The following MLIP variants were observed in gnomAD, a reference collection of about 807,000 sequenced individuals.
MLIP encodes the protein muscular LMNA-interacting protein.
Under a neutral mutation model 84.8 loss-of-function variants are expected in MLIP, and 79 were observed. That is an observed-to-expected ratio of 0.93 (90% confidence interval 0.78 to 1.12). MLIP has a LOEUF of 1.12. MLIP is among the 50% of genes most tolerant of loss of function. The probability of loss-of-function intolerance (pLI) is 0.00; values close to 1 mark genes in which losing one functional copy is unlikely to be tolerated. For synonymous variants in MLIP, 504 were observed against 463.0 expected (o/e 1.09, Z -1.14); for missense variants, 1,257 against 1,160.6 (o/e 1.08, Z -1.21).
At chr6:54,248,087 A>G (rs7740331) in intron 12 of MLIP, among the ~76,000 whole-genome samples, 49,806 of 151,904 alleles carry the variant, frequency 0.33, 11,647 homozygotes, top group African/African-American at 0.67. Context: ...GAACTCGGGA[A>G]TATTAATACA....
intron 11 of MLIP, among the ~76,000 whole-genome samples, chr6:54,208,214 A>C (rs1374186118): frequency 6.6e-6 from 1 of 152,246 alleles, no homozygotes; most frequent in African/African-American, 2.4e-5. Context: ...ATTTCAAAAG[A>C]GAGAGAGGAT....
At chr6:54,263,684 A>T (rs982324051) in intron 13 of MLIP, among the ~76,000 whole-genome samples, 2 of 151,974 alleles carry the variant, frequency 1.3e-5, no homozygotes, top group African/African-American at 4.8e-5. Flanking sequence ...GTTTCAGAAG[A>T]ATATATTACC....
chr6:54,072,682 T>C (rs1474311650), intron 1 of MLIP, among the ~76,000 whole-genome samples: 16 of 152,252 alleles, frequency 1.1e-4, no homozygotes, highest in Admixed American at 5.9e-4. Context: ...CTTACTGTGA[T>C]TTACAATGAG....
Position 54,198,056 on chromosome 6 carries a change from T to C in MLIP, c.2590-4049T>C, listed in dbSNP as rs74888633. ...GAGACAGAAGACAAGGCCAAATGGG[T>C]GTCTCTGGAATGATAGACTTAGAAA... On this transcript the variant is annotated intron_variant, in intron 10 of 13. Transcript: ENST00000502396. 8.1e-3 allele frequency among the ~76,000 whole-genome samples: 1,239 copies of C among 152,186 alleles called. 17 individuals carry two copies. The highest frequency in any genetic ancestry group is 0.028 in the African/African-American group (1,157 of 41,530).
intron 1 of MLIP, among the ~76,000 whole-genome samples, chr6:54,078,945 C>A (rs1161569886): frequency 1.3e-5 from 2 of 152,072 alleles, no homozygotes; most frequent in Non-Finnish European, 1.5e-5. Flanking sequence ...CCGGCCTTGG[C>A]CTCCCAAAGT....
At chr6:54,138,574 T>C (rs1016540033) in intron 4 of MLIP, among the ~76,000 whole-genome samples, 9 of 152,180 alleles carry the variant, frequency 5.9e-5, no homozygotes, top group Non-Finnish European at 1.3e-4. Flanking sequence ...AGACATAATA[T>C]GAGTTATATC....
intron 12 of MLIP, among the ~76,000 whole-genome samples, chr6:54,254,436 T>TAAA (rs1287097071): frequency 1.3e-5 from 2 of 152,068 alleles, no homozygotes; most frequent in Admixed American, 6.6e-5. Context: ...GTACTTGTTT[T>TAAA]AATGCTTAGT....
chr6:54,113,517 T>C (rs962297307), intron 1 of MLIP, among the ~76,000 whole-genome samples: 10 of 152,302 alleles, frequency 6.6e-5, no homozygotes, highest in African/African-American at 2.4e-4. Context: ...TGATAAGGTA[T>C]TTTGACATGG....
At chr6:54,075,951 C>T (rs896975184) in intron 1 of MLIP, among the ~76,000 whole-genome samples, 1 of 152,168 alleles carries the variant, frequency 6.6e-6, no homozygotes, top group African/African-American at 2.4e-5. Context: ...TATGTTTCAT[C>T]ATTACGGAAC....
At position 54,200,446 on chromosome 6, in the gene MLIP, AAAGTGCAGG is replaced by A. The variant is rs375287541; in HGVS notation, c.2590-1647_2590-1639del. 5.5e-3 allele frequency among the ~76,000 whole-genome samples: 831 copies of A among 152,184 alleles called. 9 individuals are homozygous for A. Among genetic ancestry groups the A allele is most frequent in the African/African-American group, 0.018 (734 of 41,506 alleles). On this transcript the variant is annotated intron_variant, in intron 10 of 13. Coordinates refer to ENST00000502396, the MANE Select transcript of MLIP (RefSeq NM_001281747.2). ...TCACAAGGGAGTAGAAGAGAAGGAG[AAAGTGCAGG>A]AAGTGCAGGAATAGGAGAAGAAGAA...
intron 9 of MLIP, among the ~76,000 whole-genome samples, chr6:54,179,500 T>C (rs376846241): frequency 1.3e-5 from 2 of 152,170 alleles, no homozygotes; most frequent in African/African-American, 2.4e-5. Context: ...CCTGTCTTTC[T>C]TTTCGTGAAT....
chr6:54,081,974 T>C (rs1582095973), intron 1 of MLIP, among the ~76,000 whole-genome samples: 1 of 152,074 alleles, frequency 6.6e-6, no homozygotes, highest in Non-Finnish European at 1.5e-5. Context: ...TCTCCCTGTC[T>C]CATTCTCCCC....
chr6:54,126,363 G>A (rs536999929), intron 3 of MLIP, among the ~76,000 whole-genome samples: 3 of 151,978 alleles, frequency 2.0e-5, no homozygotes, highest in African/African-American at 4.8e-5. Context: ...AGTGAATCTA[G>A]AGACTGAATA....
intron 1 of MLIP, among the ~76,000 whole-genome samples, chr6:54,044,558 A>G (rs1162875879): frequency 6.6e-6 from 1 of 152,182 alleles, no homozygotes; most frequent in Admixed American, 6.5e-5. Context: ...TTGTTCAAAC[A>G]CATAGGTAGG....
At chr6:54,216,578 T>A (rs1192353078) in intron 11 of MLIP, 1 of 978,296 alleles carries the variant, frequency 1.0e-6, no homozygotes, top group Non-Finnish European at 1.2e-6. Flanking sequence ...AAATTCTATC[T>A]TAAAAATTAT....
chr6:54,248,444 A>C (rs948727390), intron 12 of MLIP, among the ~76,000 whole-genome samples: 16 of 152,140 alleles, frequency 1.1e-4, no homozygotes, highest in East Asian at 9.6e-4. Context: ...ATAACCTGGG[A>C]GCTGTGCACT....
At chr6:54,056,559 T>C (rs112075268) in intron 1 of MLIP, among the ~76,000 whole-genome samples, 22 of 152,322 alleles carry the variant, frequency 1.4e-4, no homozygotes, top group African/African-American at 5.1e-4. Context: ...CTTCTACTTC[T>C]GAGAGAATAC....
chr6:54,063,047 C>A (rs567252593), intron 1 of MLIP, among the ~76,000 whole-genome samples: 20 of 150,422 alleles, frequency 1.3e-4, no homozygotes, highest in African/African-American at 4.9e-4. Flanking sequence ...ACTAAAAATA[C>A]AAAAAAAAAT....
At chr6:54,077,376 T>TA (rs952282151) in intron 1 of MLIP, among the ~76,000 whole-genome samples, 123 of 146,994 alleles carry the variant, frequency 8.4e-4, no homozygotes, top group Non-Finnish European at 1.1e-3. Context: ...AAAACTTCAT[T>TA]AAAAAAAAAA....
Sources: gnomAD v4.1 joint callset for allele counts (sites outside exome capture counted in the v4.1 genomes callset) on GRCh38, gnomAD v4.1.1 for gene constraint, MANE v1.5 for transcripts, NCBI Gene and HGNC (gene_info 2026-07-23, HGNC 2026-07-21) for gene names.